Variants in DACH2 observed in about 807,000 individuals in gnomAD.
The protein encoded by DACH2 is dachshund family transcription factor 2.
A neutral mutation model predicts 35.8 loss-of-function variants in DACH2; 17 were observed. The observed-to-expected ratio is 0.48, with a 90% confidence interval of 0.33 to 0.71. The LOEUF (loss-of-function observed/expected upper bound fraction) is 0.71, where lower values mean the gene tolerates loss of function less well. Ranked by LOEUF, DACH2 falls within the 30% of genes least tolerant of loss-of-function variation. DACH2 has a pLI of 0.02. For missense variants in DACH2, 469 were observed against 472.7 expected (o/e 0.99, Z 0.07); for synonymous variants, 195 against 177.3 (o/e 1.10, Z -0.79).
At chrX:86,196,560 G>T in intron 1 of DACH2, among the ~76,000 whole-genome samples, 1 of 107,505 alleles carries the variant, frequency 9.3e-6, no homozygotes, top group Admixed American at 1.0e-4. Flanking sequence ...AGGCATGGTG[G>T]TGGGTGCCTG....
Position 86,494,637 on chromosome X carries a change from A to G in DACH2, c.528-19642A>G, listed in dbSNP as rs1220196349. ...ACCTTGAAATCTCATCAATATGTTTAATCTTGTATTTTTTTGGTATAAACC... is the reference window on the plus strand; with the variant it reads ...ACCTTGAAATCTCATCAATATGTTTGATCTTGTATTTTTTTGGTATAAACC... On this transcript the variant is annotated intron_variant, in intron 2 of 11. Transcript: ENST00000373125. 2.7e-5 allele frequency among the ~76,000 whole-genome samples: 3 copies of G among 112,595 alleles called. No homozygotes were observed. The Admixed American group carries it at 2.8e-4, about 11-fold the overall frequency.
rs750583886 is a variant in DACH2, at chrX:86,606,309, G to T, written c.641-44727G>T. On this transcript the variant is annotated intron_variant, in intron 3 of 11. Transcript: ENST00000373125. ...TTTTTTATTTGAAGTTTTTTTTTTTGATGTAAGTACTTATAGCTGTAAACT... is the reference window on the plus strand; with the variant it reads ...TTTTTTATTTGAAGTTTTTTTTTTTTATGTAAGTACTTATAGCTGTAAACT... 2.1e-4 allele frequency among the ~76,000 whole-genome samples: 21 copies of T among 98,168 alleles called. No homozygotes were observed. In the East Asian group the frequency reaches 4.1e-3, roughly 19 times the overall value. The allele number at this position is 98,168 out of a possible 115,157, so 85.2% of individuals were successfully genotyped here.
intron 1 of DACH2, among the ~76,000 whole-genome samples, chrX:86,174,119 G>GTTTT (rs140747201): frequency 4.2e-5 from 3 of 71,741 alleles, no homozygotes; most frequent in Admixed American, 1.6e-4. Flanking sequence ...GAGTACAGTT[G>GTTTT]TTTTTTTTTT....
chrX:86,291,465 A>T (rs1471446836), intron 1 of DACH2, among the ~76,000 whole-genome samples: 2 of 103,014 alleles, frequency 1.9e-5, no homozygotes, highest in African/African-American at 7.4e-5. Context: ...CACTATATTG[A>T]ATAGGAGTGG....
At chrX:86,629,895 T>A (rs2040180681) in intron 3 of DACH2, among the ~76,000 whole-genome samples, 1 of 110,873 alleles carries the variant, frequency 9.0e-6, no homozygotes, top group African/African-American at 3.3e-5. Flanking sequence ...ATAATAATGA[T>A]AAATGATAAA....
At chrX:86,394,533 G>T (rs1311445325) in intron 2 of DACH2, among the ~76,000 whole-genome samples, 1 of 111,423 alleles carries the variant, frequency 9.0e-6, no homozygotes, top group African/African-American at 3.3e-5. Flanking sequence ...CCTGATAAAA[G>T]AGTATTTCTT....
intron 3 of DACH2, among the ~76,000 whole-genome samples, chrX:86,542,480 G>C (rs1316179405): frequency 9.0e-6 from 1 of 111,517 alleles, no homozygotes; most frequent in African/African-American, 3.3e-5. Context: ...GCATGAGTCT[G>C]TTACACCTTT....
chrX:86,682,017 C>T (rs932801892), intron 4 of DACH2, among the ~76,000 whole-genome samples: 1 of 111,054 alleles, frequency 9.0e-6, no homozygotes, highest in African/African-American at 3.3e-5. Flanking sequence ...TGACTCATAT[C>T]ATTTATATTT....
intron 2 of DACH2, among the ~76,000 whole-genome samples, chrX:86,422,096 T>C (rs1203409424): frequency 9.0e-6 from 1 of 111,375 alleles, no homozygotes; most frequent in Non-Finnish European, 1.9e-5. Context: ...GTAAATATAG[T>C]TCATTGTTTC....
At chrX:86,503,086 A>G (rs773886214) in intron 2 of DACH2, among the ~76,000 whole-genome samples, 1 of 112,263 alleles carries the variant, frequency 8.9e-6, no homozygotes, top group East Asian at 2.8e-4. Context: ...CACACAATAC[A>G]TACATAGTCT....
intron 4 of DACH2, among the ~76,000 whole-genome samples, chrX:86,691,575 A>G (rs769687499): frequency 9.0e-6 from 1 of 111,528 alleles, no homozygotes; most frequent in Non-Finnish European, 1.9e-5. Context: ...TGGAGTTCTT[A>G]TAAGAAGAGG....
intron 3 of DACH2, among the ~76,000 whole-genome samples, chrX:86,596,668 G>A (rs1351839686): frequency 7.2e-5 from 8 of 110,877 alleles, no homozygotes; most frequent in Admixed American, 3.8e-4. Flanking sequence ...AGTTCTGTCC[G>A]TTGTCTTTTT....
chrX:86,395,063 C>T (rs370863910), intron 2 of DACH2, among the ~76,000 whole-genome samples: 1 of 111,754 alleles, frequency 8.9e-6, no homozygotes, highest in East Asian at 2.8e-4. Flanking sequence ...AAGTGCACAT[C>T]TTAGGGAAAC....
At chrX:86,366,968 G>A (rs1037626717) in intron 1 of DACH2, among the ~76,000 whole-genome samples, 1 of 110,174 alleles carries the variant, frequency 9.1e-6, no homozygotes, top group East Asian at 2.9e-4. Context: ...ACCCAGTCTC[G>A]GGTGTTCCTT....
At chrX:86,427,841 T>C (rs985775323) in intron 2 of DACH2, among the ~76,000 whole-genome samples, 4 of 112,155 alleles carry the variant, frequency 3.6e-5, no homozygotes, top group Non-Finnish European at 7.5e-5. Context: ...GAAATGTTTA[T>C]GTTTACATTT....
At chrX:86,315,537 A>G (rs894054940) in intron 1 of DACH2, among the ~76,000 whole-genome samples, 1 of 111,682 alleles carries the variant, frequency 9.0e-6, no homozygotes, top group African/African-American at 3.3e-5. Flanking sequence ...CATCTGATGG[A>G]TCAAAAAGCC....
rs1198300080 is a variant in DACH2, at chrX:86,148,699, C to T, written c.79C>T (p.Pro27Ser). The change falls in exon 1 of 12, where the codon CCC (proline) becomes TCC (serine). Residue 27 changes from proline (P) to serine (S), a missense_variant. By Grantham distance (74) the Pro-to-Ser change is moderately conservative. Around this residue, in one of 3 missense-constraint regions of DACH2, gnomAD observed 99 missense variants for 114.3 expected, o/e 0.87. Transcript: ENST00000373125. Reference protein sequence around the residue: ...GVPGGLFRAEPLYSTPREPPR... With the variant: ...GVPGGLFRAESLYSTPREPPR... ...CCCGGGGGGCTTATTCCGGGCCGAA[C>T]CCCTGTACTCGACTCCCAGAGAGCC... is the stretch of plus-strand genomic sequence containing the variant. 7 of 1,209,669 alleles carry T rather than the reference C, an allele frequency of 5.8e-6. No individual in the cohort carries two copies. The highest frequency in any genetic ancestry group is 1.8e-5 in the South Asian group (1 of 56,595).
rs967676233 is a variant in DACH2, at chrX:86,575,063, A to G, written c.640+60672A>G. On this transcript the variant is annotated intron_variant, in intron 3 of 11. Coordinates refer to ENST00000373125, the MANE Select transcript of DACH2 (RefSeq NM_053281.3). ...GGGTGAAAAATATCTTAATGGAAGGAAGAAATTTCTTCTTTAAGTGAATGT... is the reference window on the plus strand; with the variant it reads ...GGGTGAAAAATATCTTAATGGAAGGGAGAAATTTCTTCTTTAAGTGAATGT... Among the ~76,000 whole-genome samples, 3 of 111,181 alleles carry G rather than the reference A, an allele frequency of 2.7e-5. No individual in the cohort carries two copies. The East Asian group carries it at 8.5e-4, about 32-fold the overall frequency.
intron 2 of DACH2, among the ~76,000 whole-genome samples, chrX:86,490,824 A>G (rs1471416286): frequency 9.0e-6 from 1 of 111,333 alleles, no homozygotes; most frequent in Non-Finnish European, 1.9e-5. Flanking sequence ...TTTCCATTTA[A>G]TATAGGATGA....
Sources: allele counts gnomAD v4.1 joint callset (sites outside exome capture counted in the v4.1 genomes callset), GRCh38; gene constraint gnomAD v4.1.1; regional missense constraint gnomAD v4.1.1; transcripts MANE v1.5; gene names NCBI Gene and HGNC (gene_info 2026-07-23, HGNC 2026-07-21).